The following TK2 variants were observed in gnomAD, a reference collection of about 807,000 sequenced individuals.
The protein encoded by TK2 is thymidine kinase 2, mitochondrial.
Under a neutral mutation model 41.9 loss-of-function variants are expected in TK2, and 35 were observed. That is an observed-to-expected ratio of 0.84 (90% CI 0.64 to 1.11). The LOEUF is 1.11. Among genes scored for constraint, TK2 ranks in the 50% least tolerant of loss-of-function variants. The pLI is 0.00. For synonymous variants in TK2, 128 were observed against 129.1 expected, an observed-to-expected ratio of 0.99 and a Z score of 0.06; for missense variants, 320 against 351.1, an observed-to-expected ratio of 0.91 and a Z score of 0.71.
chr16:66,542,627 G>A (rs4783639), intron 2 of TK2, among the ~76,000 whole-genome samples: 4 of 152,110 alleles, frequency 2.6e-5, no homozygotes, highest in East Asian at 1.9e-4. Flanking sequence ...ATGACTGCAC[G>A]TGGGAGGGAA....
At chr16:66,528,609 C>T (rs1489562490) in intron 6 of TK2, among the ~76,000 whole-genome samples, 1 of 152,216 alleles carries the variant, frequency 6.6e-6, no homozygotes, top group Non-Finnish European at 1.5e-5. Flanking sequence ...TCTGCTGTTG[C>T]TTCTACCCTT....
chr16:66,546,490 C>T (rs1413433017), intron 2 of TK2: 1 of 152,110 alleles, frequency 6.6e-6, no homozygotes, highest in African/African-American at 2.4e-5. Context: ...GTTAACCCCA[C>T]ATCTATCTCT....
intron 2 of TK2, among the ~76,000 whole-genome samples, chr16:66,546,924 T>G (rs1965627301): frequency 6.6e-6 from 1 of 152,040 alleles, no homozygotes; most frequent in African/African-American, 2.4e-5. Flanking sequence ...GCTAATTTTT[T>G]GTATTTTTTG....
At chr16:66,527,010 A>T (rs762631599) in intron 6 of TK2, among the ~76,000 whole-genome samples, 1 of 152,206 alleles carries the variant, frequency 6.6e-6, no homozygotes, top group Non-Finnish European at 1.5e-5. Context: ...GTACACAAAC[A>T]TAACAGAGGC....
intron 4 of TK2, among the ~76,000 whole-genome samples, chr16:66,534,910 T>A (rs1260257133): frequency 1.3e-5 from 2 of 152,240 alleles, no homozygotes; most frequent in Non-Finnish European, 2.9e-5. Flanking sequence ...CTCAAACTCC[T>A]GGCTTTAAGT....
rs148914613 is a variant in TK2 at position 66,520,196 on chromosome 16, T to C, written c.450-2319A>G. 3.3e-5 allele frequency among the ~76,000 whole-genome samples: 5 copies of C among 152,062 alleles called. No homozygotes were observed. The East Asian group carries it at 9.7e-4, about 29-fold the overall frequency. ...GGAGGCTGGAGGAGTGGGAAGGAAA[T>C]CCTACAGCATTGCAGAGGGGACTCC... On this transcript the variant is annotated intron_variant, in intron 6 of 9. Coordinates refer to ENST00000544898, the MANE Select transcript of TK2 (RefSeq NM_004614.5).
At chr16:66,549,802 T>A (rs3743714) in intron 1 of TK2, 136 bp downstream of exon 1, 1 of 1,286,566 alleles carries the variant, frequency 7.8e-7, no homozygotes, top group African/African-American at 1.6e-5. Flanking sequence ...GCCGCCCCCG[T>A]CCCAGCCGCA....
At chr16:66,518,851 T>C (rs1964692799) in intron 6 of TK2, among the ~76,000 whole-genome samples, 1 of 152,236 alleles carries the variant, frequency 6.6e-6, no homozygotes, top group African/African-American at 2.4e-5. Context: ...CATGAGACTT[T>C]TCTTTTTTTC....
intron 9 of TK2, 110 bp from the exon 10 acceptor site, chr16:66,512,176 C>T: frequency 1.1e-6 from 1 of 940,384 alleles, no homozygotes; most frequent in East Asian, 2.4e-5. Context: ...GGGAAGGGCA[C>T]AGAAGGTTGC....
intron 6 of TK2, 195 bp from the exon 7 acceptor site, chr16:66,518,072 G>A: frequency 1.6e-6 from 1 of 636,984 alleles, no homozygotes; most frequent in Non-Finnish European, 2.9e-6. Context: ...CCTGGGAGCG[G>A]CTTATGGCAC....
chr16:66,538,793 G>A (rs977618523), intron 3 of TK2, among the ~76,000 whole-genome samples: 4 of 152,138 alleles, frequency 2.6e-5, no homozygotes, highest in Non-Finnish European at 5.9e-5. Flanking sequence ...AGGGAGAGTG[G>A]TCTTCCTAAA....
intron 8 of TK2, 97 bp from the exon 9 acceptor site, chr16:66,513,908 T>C (rs1964528325): frequency 9.5e-7 from 1 of 1,054,080 alleles, no homozygotes; most frequent in Admixed American, 1.9e-5. Context: ...TCAATGACCA[T>C]GGGCAGTGAC....
chr16:66,510,297 C>A lies in TK2; in HGVS notation c.*1671G>T, dbSNP rs1964415276. 6.6e-6 allele frequency: 1 copy of A among 151,848 alleles called. No individual in the cohort carries two copies. The highest frequency in any genetic ancestry group is 6.6e-5 in the Admixed American group (1 of 15,250). 9.4% of individuals were successfully genotyped at this position (151,848 alleles called of 1,614,324 possible). ...AGCCGAGAGGAAATATTGGACTGTT[C>A]ATTTACAAATTCTCAAAGACAGACC... is the stretch of plus-strand genomic sequence containing the variant. On this transcript the variant is annotated 3_prime_UTR_variant, in exon 10 of 10. Transcript: ENST00000544898.
Position 66,517,841 on chromosome 16 carries a change from C to T in TK2, c.486G>A (p.Ser162=), listed in dbSNP as rs570920543. The change falls in exon 7 of 10, where the codon TCG becomes TCA. Residue 162 remains serine, a synonymous_variant. Transcript: ENST00000544898. The surrounding 1 kb of genome is among the most constrained non-coding windows in gnomAD (Gnocchi z 4.3). The part of the protein sequence containing the change: ...KMPEVDYVVL[S]EWFDWILRNM... ...TCCTCAAGATCCAGTCAAACCATTCCGACAGAACTACATAGTCCACTTCTG... is the reference window on the plus strand; with the variant it reads ...TCCTCAAGATCCAGTCAAACCATTCTGACAGAACTACATAGTCCACTTCTG... 15 of 1,613,990 alleles carry T rather than the reference C, an allele frequency of 9.3e-6. No homozygotes were observed. The highest frequency in any genetic ancestry group is 2.7e-5 in the African/African-American group (2 of 74,906).
At chr16:66,513,166 G>A (rs1334090153) in intron 9 of TK2, among the ~76,000 whole-genome samples, 1 of 152,196 alleles carries the variant, frequency 6.6e-6, no homozygotes, top group East Asian at 1.9e-4. Context: ...ATGCTGACGG[G>A]ACAGACACAT....
At chr16:66,534,616 C>A (rs1302262043) in intron 4 of TK2, among the ~76,000 whole-genome samples, 3 of 152,232 alleles carry the variant, frequency 2.0e-5, no homozygotes, top group Non-Finnish European at 2.9e-5. Flanking sequence ...AGGGCCTTTG[C>A]CTCTGCAGCG....
chr16:66,541,748 G>T, intron 3 of TK2, 131 bp downstream of exon 3: 5 of 909,292 alleles, frequency 5.5e-6, no homozygotes, highest in East Asian at 2.6e-5. Flanking sequence ...TATTAGAAAT[G>T]TTAAATTACA....
chr16:66,546,508 A>T (rs1009113252), intron 2 of TK2: 12 of 151,920 alleles, frequency 7.9e-5, no homozygotes, highest in African/African-American at 1.2e-4. Flanking sequence ...TCTTAACTAG[A>T]CTGAGAATTT....
At chr16:66,546,555 T>TA (rs1210860415) in intron 2 of TK2, 1 of 152,058 alleles carries the variant, frequency 6.6e-6, no homozygotes, top group East Asian at 1.9e-4. Context: ...TCCTGTTTGT[T>TA]TCCTAAGGAC....
Sources: gnomAD v4.1 joint callset for allele counts (sites outside exome capture counted in the v4.1 genomes callset) on GRCh38, gnomAD v4.1.1 for gene constraint, Gnocchi (gnomAD v3.1) non-coding constraint, MANE v1.5 for transcripts, NCBI Gene and HGNC (gene_info 2026-07-23, HGNC 2026-07-21) for gene names.